Variants in MOB1B observed in about 807,000 individuals in gnomAD.
The protein encoded by MOB1B is MOB1 Mps One Binder homolog B.
In MOB1B, 19 loss-of-function variants were observed where a neutral mutation model predicts 24.4. That is an observed-to-expected ratio of 0.78 (90% confidence interval 0.54 to 1.14). MOB1B has a LOEUF of 1.14. Among genes scored for constraint, MOB1B ranks in the 50% most tolerant of loss-of-function variants. MOB1B has a pLI of 0.00. For missense variants in MOB1B, 243 were observed against 259.6 expected (o/e 0.94, Z 0.44); for synonymous variants, 76 against 82.1 (o/e 0.93, Z 0.40).
At chr4:70,919,060 A>C (rs1259125597) in intron 1 of MOB1B, among the ~76,000 whole-genome samples, 4 of 152,156 alleles carry the variant, frequency 2.6e-5, no homozygotes, top group Non-Finnish European at 5.9e-5. Flanking sequence ...TCGCAAGAAC[A>C]AAAAACCAAA....
chr4:70,979,709 T>TG (rs1739126325), intron 5 of MOB1B, among the ~76,000 whole-genome samples: 2 of 152,198 alleles, frequency 1.3e-5, no homozygotes, highest in African/African-American at 4.8e-5. Flanking sequence ...TTTGTCCTTT[T>TG]GTTTTTTTTA....
chr4:70,961,022 T>C (rs1328694119), intron 2 of MOB1B, among the ~76,000 whole-genome samples: 3 of 152,210 alleles, frequency 2.0e-5, no homozygotes, highest in Admixed American at 2.0e-4. Context: ...AGTGGATTCC[T>C]GAAACCGGTG....
chr4:70,951,145 G>GA (rs1237451194), intron 1 of MOB1B, among the ~76,000 whole-genome samples: 1 of 151,750 alleles, frequency 6.6e-6, no homozygotes, highest in Admixed American at 6.6e-5. Flanking sequence ...ATCTGGTACA[G>GA]AAAAAAAATA....
intron 1 of MOB1B, among the ~76,000 whole-genome samples, chr4:70,948,745 G>A (rs1737684328): frequency 1.3e-5 from 2 of 152,132 alleles, no homozygotes; most frequent in Non-Finnish European, 2.9e-5. Flanking sequence ...GCTTCTTGGT[G>A]AATATACTGA....
At chr4:70,973,185 A>T (rs78488205) in intron 3 of MOB1B, among the ~76,000 whole-genome samples, 3,599 of 152,320 alleles carry the variant, frequency 0.024, 68 homozygotes, top group Non-Finnish European at 0.036. Context: ...TCTGATTTTT[A>T]CATTTAAATA....
At position 70,986,937 on chromosome 4, in the gene MOB1B, CAA is replaced by C. The variant is rs1250068120; in HGVS notation, c.*4883_*4884del. 6.6e-6 allele frequency: 1 copy of C among 151,768 alleles called. No individual in the cohort carries two copies. The highest frequency in any genetic ancestry group is 1.5e-5 in the Non-Finnish European group (1 of 67,930). The allele number at this position is 151,768 out of a possible 1,614,324, so 9.4% of individuals were successfully genotyped here. A position where few individuals can be genotyped will look rare whatever the true frequency, so the allele number is the denominator to read the frequency against. On this transcript the variant is annotated 3_prime_UTR_variant, in exon 6 of 6. Coordinates refer to ENST00000309395, the MANE Select transcript of MOB1B (RefSeq NM_173468.4). ...GTAGCTGAACTGATTCACATTTTGA[CAA>C]AAGAGAGAAAATACAAAAATGAGTT...
intron 1 of MOB1B, among the ~76,000 whole-genome samples, chr4:70,903,179 C>G (rs1177126497): frequency 6.6e-6 from 1 of 152,182 alleles, no homozygotes; most frequent in Non-Finnish European, 1.5e-5. Flanking sequence ...TTCCTAGAGG[C>G]GCCCTTCCTC....
rs1281006767 is a variant in MOB1B, at chr4:70,987,353, AGGTG to A, written c.*5299_*5302del. On this transcript the variant is annotated 3_prime_UTR_variant, in exon 6 of 6. Transcript: ENST00000309395. Reference sequence around the variant, plus strand: ...ATCTGATTTAATATTAAATTTGTATAGGTGGGCGTTTCTTACCATTTTGCACAAG... The same window carrying A: ...ATCTGATTTAATATTAAATTTGTATAGGCGTTTCTTACCATTTTGCACAAG... 6.6e-6 allele frequency: 1 copy of A among 152,040 alleles called. No homozygotes were observed. The highest frequency in any genetic ancestry group is 1.5e-5 in the Non-Finnish European group (1 of 67,926). The allele number at this position is 152,040 out of a possible 1,614,324, so 9.4% of individuals were successfully genotyped here. A position where few individuals can be genotyped will look rare whatever the true frequency, so the allele number is the denominator to read the frequency against.
intron 1 of MOB1B, among the ~76,000 whole-genome samples, chr4:70,930,676 T>C (rs1412543686): frequency 6.6e-6 from 1 of 152,180 alleles, no homozygotes; most frequent in Non-Finnish European, 1.5e-5. Context: ...TTAATGAATT[T>C]TTTCTTTTTT....
chr4:70,942,236 CATATT>C (rs1229883121), intron 1 of MOB1B, among the ~76,000 whole-genome samples: 1 of 152,012 alleles, frequency 6.6e-6, no homozygotes, highest in Non-Finnish European at 1.5e-5. Context: ...CTTTTGTGTA[CATATT>C]ACCAATATCT....
intron 1 of MOB1B, among the ~76,000 whole-genome samples, chr4:70,952,006 A>T (rs2148890300): frequency 6.6e-6 from 1 of 152,304 alleles, no homozygotes; most frequent in South Asian, 2.1e-4. Flanking sequence ...TGTTAATGGG[A>T]TTGTAAAAGG....
chr4:70,957,149 G>A (rs1409812877), intron 1 of MOB1B, among the ~76,000 whole-genome samples: 1 of 134,332 alleles, frequency 7.4e-6, no homozygotes, highest in East Asian at 2.2e-4. Flanking sequence ...ATGTTCAAAT[G>A]CCTAGATGTT....
chr4:70,918,923 G>A (rs1461267684), intron 1 of MOB1B, among the ~76,000 whole-genome samples: 2 of 151,522 alleles, frequency 1.3e-5, no homozygotes, highest in East Asian at 1.9e-4. Flanking sequence ...AATGTCCAAC[G>A]ATAGACTGGA....
intron 1 of MOB1B, among the ~76,000 whole-genome samples, chr4:70,936,784 C>A (rs1737103915): frequency 6.6e-6 from 1 of 152,016 alleles, no homozygotes; most frequent in Admixed American, 6.6e-5. Context: ...CTGAACATAC[C>A]CTCATACTTG....
Position 70,984,175 on chromosome 4 carries a change from ATAGT to A in MOB1B, c.*2120_*2123del, listed in dbSNP as rs775032228. The A allele has an allele frequency of 5.2e-5, 8 of 152,472 alleles. No homozygotes were observed. The highest frequency in any genetic ancestry group is 1.2e-4 in the Non-Finnish European group (8 of 67,986). The allele number at this position is 152,472 out of a possible 1,614,324, so 9.4% of individuals were successfully genotyped here. On this transcript the variant is annotated 3_prime_UTR_variant, in exon 6 of 6. Coordinates refer to ENST00000309395, the MANE Select transcript of MOB1B (RefSeq NM_173468.4). ...AGACCTACTTTCCCACTATATGTAG[ATAGT>A]TTGTTTTCACTGTGCCAGAATCTCA...
At chr4:70,971,891 CTCTTTCTCTTCTT>C (rs1306095955) in intron 3 of MOB1B, among the ~76,000 whole-genome samples, 1 of 151,978 alleles carries the variant, frequency 6.6e-6, no homozygotes, top group Non-Finnish European at 1.5e-5. Context: ...CTGCTTCCCT[CTCTTTCTCTTCTT>C]TCTTCCTTCT....
rs1739397247 is a variant in MOB1B at position 70,986,856 on chromosome 4, A to C, written c.*4799A>C. The C allele has an allele frequency of 6.6e-6, 1 of 152,204 alleles. No homozygotes were observed. 9.4% of individuals were successfully genotyped at this position (152,204 alleles called of 1,614,324 possible). On this transcript the variant is annotated 3_prime_UTR_variant, in exon 6 of 6. Coordinates refer to ENST00000309395, the MANE Select transcript of MOB1B (RefSeq NM_173468.4). Reference sequence around the variant, plus strand: ...TTTTTAAGGCTTTCCTAATAGGCTGATCACAGAGAATAATCCATTTTGAAG... The same window carrying C: ...TTTTTAAGGCTTTCCTAATAGGCTGCTCACAGAGAATAATCCATTTTGAAG...
chr4:70,965,125 C>T (rs1021023113), intron 2 of MOB1B, among the ~76,000 whole-genome samples: 1 of 151,238 alleles, frequency 6.6e-6, no homozygotes, highest in South Asian at 2.1e-4. Flanking sequence ...GGTGGAACCC[C>T]GTCTGTATTA....
intron 1 of MOB1B, among the ~76,000 whole-genome samples, chr4:70,929,312 G>A (rs1246992942): frequency 6.6e-6 from 1 of 150,830 alleles, no homozygotes; most frequent in African/African-American, 2.4e-5. Context: ...CCAAGTAACT[G>A]GGATTACAAG....
Sources: gnomAD v4.1 joint callset for allele counts (sites outside exome capture counted in the v4.1 genomes callset) on GRCh38, gnomAD v4.1.1 for gene constraint, MANE v1.5 for transcripts, NCBI Gene and HGNC (gene_info 2026-07-23, HGNC 2026-07-21) for gene names.